Variants in HOXB3 observed in about 807,000 individuals in gnomAD.
The protein encoded by HOXB3 is homeobox B3.
In HOXB3, 17 loss-of-function variants were observed where a neutral mutation model predicts 29.2. The observed-to-expected ratio is 0.58, with a 90% CI of 0.40 to 0.87. The LOEUF (loss-of-function observed/expected upper bound fraction) is 0.87, where lower values mean the gene tolerates loss of function less well. HOXB3 is among the 40% of genes least tolerant of loss of function. HOXB3 has a pLI of 0.00. For missense variants in HOXB3, 637 were observed against 616.3 expected, an observed-to-expected ratio of 1.03 and a Z score of -0.35; for synonymous variants, 317 against 285.9, an observed-to-expected ratio of 1.11 and a Z score of -1.10.
chr17:48,572,828 G>A (rs1270470442), intron 2 of HOXB3, among the ~76,000 whole-genome samples: 1 of 152,190 alleles, frequency 6.6e-6, no homozygotes, highest in African/African-American at 2.4e-5. Flanking sequence ...CCTCCCTGCA[G>A]AGGTGTGACT....
intron 1 of HOXB3, among the ~76,000 whole-genome samples, chr17:48,587,866 C>T (rs2070076042): frequency 6.6e-6 from 1 of 152,206 alleles, no homozygotes; most frequent in African/African-American, 2.4e-5. Context: ...CCAGGCTGGC[C>T]TCAGAGGGAA....
chr17:48,578,721 T>C (rs755838007), intron 1 of HOXB3: 63 of 218,748 alleles, frequency 2.9e-4, no homozygotes, highest in South Asian at 6.0e-5. Flanking sequence ...CCTTAAGAAG[T>C]TGGGGCTCCC....
At position 48,550,028 on chromosome 17, in the gene HOXB3, C is replaced by A; in HGVS notation, c.*306G>T. 2.8e-6 allele frequency: 1 copy of A among 357,810 alleles called. No individual in the cohort carries two copies. The highest frequency in any genetic ancestry group is 5.1e-6 in the Non-Finnish European group (1 of 195,758). The allele number at this position is 357,810 out of a possible 1,614,324, so 22.2% of individuals were successfully genotyped here. A position where few individuals can be genotyped will look rare whatever the true frequency, so the allele number is the denominator to read the frequency against. ...TTTCTGCCTCGTCCTGTCTCGTCTT[C>A]CTCTACCCCACTCCCGGGCGTGGAA... On this transcript the variant is annotated 3_prime_UTR_variant, in exon 5 of 5. Transcript: ENST00000498678.
At position 48,552,184 on chromosome 17, in the gene HOXB3, G is replaced by T; in HGVS notation, c.291C>A (p.Thr97=). The change falls in exon 4 of 5, where the codon ACC becomes ACA. Residue 97 remains threonine, a synonymous_variant. Transcript: ENST00000498678. ...PGSPPPSAAP[T]SATSNSSNGG... Reference sequence around the variant, plus strand: ...CATTACTGCTGTTGCTAGTGGCACTGGTAGGTGCGGCACTGGGCGGGGGTG... The same window carrying T: ...CATTACTGCTGTTGCTAGTGGCACTTGTAGGTGCGGCACTGGGCGGGGGTG... 1 of 1,613,850 alleles carries T rather than the reference G, an allele frequency of 6.2e-7. No homozygotes were observed. The highest frequency in any genetic ancestry group is 8.5e-7 in the Non-Finnish European group (1 of 1,179,870).
At position 48,550,382 on chromosome 17, in the gene HOXB3, A is replaced by C. The variant is rs766930995; in HGVS notation, c.1248T>G (p.Pro416=). 2.5e-5 allele frequency: 40 copies of C among 1,613,830 alleles called. No homozygotes were observed. The highest frequency in any genetic ancestry group is 1.5e-4 in the Admixed American group (9 of 60,006). The change falls in exon 5 of 5, where the codon CCT becomes CCG. Residue 416 remains proline (P), a synonymous_variant. Coordinates refer to ENST00000498678, the MANE Select transcript of HOXB3 (RefSeq NM_001384749.1). ...TYTDLSSHHA[P]PPQGRIQEAP... is the part of the protein sequence containing the mutation. ...CTTCTTGGATTCTACCCTGAGGAGG[A>C]GGCGCGTGGTGAGAGGAGAGGTCTG...
chr17:48,554,968 G>T lies in HOXB3; in HGVS notation c.-159+563C>A. On this transcript the variant is annotated intron_variant, in intron 3 of 4. Coordinates refer to ENST00000498678, the MANE Select transcript of HOXB3 (RefSeq NM_001384749.1). This position sits in a 1 kb window ranked among gnomAD's most constrained non-coding sequence, Gnocchi z 4.1. ...ATCTATTTCCCTTGCCTCCATGTTG[G>T]AAAAATTCAGGTTCCATATGGCTCC... 13 of 487,776 alleles carry T rather than the reference G, an allele frequency of 2.7e-5. No homozygotes were observed. Among genetic ancestry groups the T allele is most frequent in the African/African-American group, 3.9e-5 (2 of 50,690 alleles). 30.2% of individuals were successfully genotyped at this position (487,776 alleles called of 1,614,324 possible). A position where few individuals can be genotyped will look rare whatever the true frequency, so the allele number is the denominator to read the frequency against.
rs1464355471 is a variant in HOXB3 at position 48,549,409 on chromosome 17, G to C, written c.*925C>G. ...GTGCAACAAAAGTGTCCTGTCAGGA[G>C]GCTGAGCAAGGCACACAGGCCCTGC... is the stretch of plus-strand genomic sequence containing the variant. On this transcript the variant is annotated 3_prime_UTR_variant, in exon 5 of 5. Transcript: ENST00000498678. The C allele has an allele frequency of 6.7e-6, 1 of 150,018 alleles. No homozygotes were observed. The highest frequency in any genetic ancestry group is 2.5e-5 in the African/African-American group (1 of 40,502). 9.3% of individuals were successfully genotyped at this position (150,018 alleles called of 1,614,324 possible). A position where few individuals can be genotyped will look rare whatever the true frequency, so the allele number is the denominator to read the frequency against.
At chr17:48,575,455 T>C (rs1455757937) in intron 1 of HOXB3, 2 of 152,138 alleles carry the variant, frequency 1.3e-5, no homozygotes, top group Non-Finnish European at 2.9e-5. Context: ...AAATATACAC[T>C]GGGTGGCATT....
At chr17:48,555,012 G>A (rs1488523485) in intron 3 of HOXB3, among the ~76,000 whole-genome samples, 2 of 151,988 alleles carry the variant, frequency 1.3e-5, no homozygotes, top group Non-Finnish European at 2.9e-5. Flanking sequence ...GAGGGAGGGA[G>A]ACGGTGGCTG....
chr17:48,552,572 C>CCG lies in HOXB3; in HGVS notation c.-99_-98insCG. ...CCTGGGGGTCACGTGACACGCCGGA[C>CCG]CCCCCCCCCCCACCTCCCCTCTCTG... On this transcript the variant is annotated 5_prime_UTR_variant, in exon 4 of 5. An upstream open reading frame in the 5' UTR gains an earlier in-frame stop. Coordinates refer to ENST00000498678, the MANE Select transcript of HOXB3 (RefSeq NM_001384749.1). The CCG allele has an allele frequency of 7.8e-6, 1 of 128,762 alleles. No individual in the cohort carries two copies. The highest frequency in any genetic ancestry group is 1.2e-5 in the Non-Finnish European group (1 of 81,054). 8.0% of individuals were successfully genotyped at this position (128,762 alleles called of 1,614,324 possible).
At chr17:48,577,689 G>C (rs1597852699) in intron 1 of HOXB3, among the ~76,000 whole-genome samples, 1 of 152,180 alleles carries the variant, frequency 6.6e-6, no homozygotes, top group South Asian at 2.1e-4. Context: ...AAAATTTATG[G>C]GGGATGTAAT....
chr17:48,588,235 C>T (rs2070083489), intron 1 of HOXB3, among the ~76,000 whole-genome samples: 1 of 152,162 alleles, frequency 6.6e-6, no homozygotes, highest in Admixed American at 6.5e-5. Flanking sequence ...AAGAGGAAAG[C>T]CCAGCCTAGG....
chr17:48,586,573 G>T (rs1479454378), intron 1 of HOXB3, among the ~76,000 whole-genome samples: 1 of 152,128 alleles, frequency 6.6e-6, no homozygotes, highest in African/African-American at 2.4e-5. Flanking sequence ...TTATTGATGA[G>T]ATATGAGCGT....
In HOXB3 at chr17:48,550,650, G is replaced by T; in HGVS notation, c.980C>A (p.Pro327His). Residue 327 changes from proline to histidine, a missense_variant, in exon 5 of 5, where the codon CCC becomes CAC. Pro to His is a moderately conservative substitution (Grantham distance 77). Coordinates refer to ENST00000498678, the MANE Select transcript of HOXB3 (RefSeq NM_001384749.1). Reference protein sequence around the residue: ...APQKYPPTPAPEYEPHVLQAN... With the variant: ...APQKYPPTPAHEYEPHVLQAN... Reference sequence around the variant, plus strand: ...TTGGAGGACGTGCGGCTCATACTCGGGCGCCGGGGTCGGAGGGTACTTCTG... The same window carrying T: ...TTGGAGGACGTGCGGCTCATACTCGTGCGCCGGGGTCGGAGGGTACTTCTG... 1 of 1,525,210 alleles carries T rather than the reference G, an allele frequency of 6.6e-7. No individual in the cohort carries two copies. The allele number at this position is 1,525,210 out of a possible 1,614,324, so 94.5% of individuals were successfully genotyped here.
In HOXB3 at chr17:48,550,681, C is replaced by T. The variant is rs1367955401; in HGVS notation, c.949G>A (p.Ala317Thr). Residue 317 changes from alanine (A) to threonine (T), a missense_variant, in exon 5 of 5, where the codon GCC becomes ACC. Coordinates refer to ENST00000498678, the MANE Select transcript of HOXB3 (RefSeq NM_001384749.1). ...NYQPPLKGCG[A>T]PQKYPPTPAP... ...GGGGTCGGAGGGTACTTCTGCGGGG[C>T]GCCGCAGCCTTTGAGAGGGGGCTGG... 2 of 1,531,622 alleles carry T rather than the reference C, an allele frequency of 1.3e-6. No homozygotes were observed. The highest frequency in any genetic ancestry group is 2.3e-5 in the East Asian group (1 of 44,118). The allele number at this position is 1,531,622 out of a possible 1,614,324, so 94.9% of individuals were successfully genotyped here.
Position 48,552,164 on chromosome 17 carries a change from C to T in HOXB3, c.311G>A (p.Ser104Asn), listed in dbSNP as rs768811869. The change falls in exon 4 of 5, where the codon AGT becomes AAT. Residue 104 changes from serine (S) to asparagine (N), a missense_variant. Ser to Asn is a conservative substitution (Grantham distance 46). Coordinates refer to ENST00000498678, the MANE Select transcript of HOXB3 (RefSeq NM_001384749.1). ...AAPTSATSNS[S>N]NGGGPSKSGP... ...ACTTTTGCTGGGCCCGCCCCCATTA[C>T]TGCTGTTGCTAGTGGCACTGGTAGG... 1 of 1,614,060 alleles carries T rather than the reference C, an allele frequency of 6.2e-7. No individual in the cohort carries two copies. Among genetic ancestry groups the T allele is most frequent in the Non-Finnish European group, 8.5e-7 (1 of 1,179,934 alleles).
intron 1 of HOXB3, among the ~76,000 whole-genome samples, chr17:48,589,434 C>T (rs1014345134): frequency 2.0e-5 from 3 of 152,160 alleles, no homozygotes; most frequent in Non-Finnish European, 4.4e-5. Flanking sequence ...CTGTCTGCTC[C>T]CTAGTCTGAC....
rs1310114986 is a variant in HOXB3, at chr17:48,549,517, C to T, written c.*817G>A. Reference sequence around the variant, plus strand: ...AGAGCAACAGAAGAAAAGTATAGAACCTCGTGTCACCAACTGCTTTCTGTG... The same window carrying T: ...AGAGCAACAGAAGAAAAGTATAGAATCTCGTGTCACCAACTGCTTTCTGTG... On this transcript the variant is annotated 3_prime_UTR_variant, in exon 5 of 5. Transcript: ENST00000498678. The T allele has an allele frequency of 6.6e-6, 1 of 152,582 alleles. No homozygotes were observed. Among genetic ancestry groups the T allele is most frequent in the African/African-American group, 2.4e-5 (1 of 41,418 alleles). The allele number at this position is 152,582 out of a possible 1,614,324, so 9.5% of individuals were successfully genotyped here.
chr17:48,567,290 G>A (rs1477084926), intron 2 of HOXB3, among the ~76,000 whole-genome samples: 3 of 152,242 alleles, frequency 2.0e-5, no homozygotes, highest in Non-Finnish European at 4.4e-5. Flanking sequence ...CGTAGTGGAT[G>A]CCATGAATAA....
Sources: gnomAD v4.1 joint callset for allele counts (sites outside exome capture counted in the v4.1 genomes callset) on GRCh38, gnomAD v4.1.1 for gene constraint, Gnocchi (gnomAD v3.1) non-coding constraint, MANE v1.5 for transcripts, NCBI Gene and HGNC (gene_info 2026-07-23, HGNC 2026-07-21) for gene names.